The following CDH18 variants were observed in gnomAD, a reference collection of about 807,000 sequenced individuals.
CDH18 encodes cadherin-18.
CDH18 carries 31 observed loss-of-function variants against 67.9 expected under a neutral mutation model. The ratio of observed to expected loss-of-function variants is 0.46; its 90% CI spans 0.34 to 0.62. The LOEUF (loss-of-function observed/expected upper bound fraction) is 0.62, where lower values mean the gene tolerates loss of function less well. Ranked by LOEUF, CDH18 falls within the 20% of genes least tolerant of loss-of-function variation. The probability of loss-of-function intolerance (pLI) is 0.01; values close to 1 mark genes in which losing one functional copy is unlikely to be tolerated. For synonymous variants in CDH18, 362 were observed against 347.2 expected (o/e 1.04, Z -0.48); for missense variants, 890 against 975.5 (o/e 0.91, Z 1.17).
intron 2 of CDH18, among the ~76,000 whole-genome samples, chr5:19,872,982 G>A (rs916601036): frequency 6.6e-6 from 1 of 152,066 alleles, no homozygotes; most frequent in Non-Finnish European, 1.5e-5. Context: ...CTTGTCAAAG[G>A]ACAGAGGTTC....
At chr5:20,376,105 T>TTTTTTTTTTTTTTTTTTTTG (rs1743406012) in intron 1 of CDH18, among the ~76,000 whole-genome samples, 1 of 98,624 alleles carries the variant, frequency 1.0e-5, no homozygotes, top group Non-Finnish European at 2.2e-5. Context: ...TTTTTTTTTT[T>TTTTTTTTTTTTTTTTTTTTG]TTTTTTGAGA....
chr5:19,543,577 A>C (rs572337946), intron 9 of CDH18, among the ~76,000 whole-genome samples: 28 of 152,276 alleles, frequency 1.8e-4, no homozygotes, highest in African/African-American at 6.3e-4. Flanking sequence ...AAAGCAAATG[A>C]AAAAGCAAGT....
chr5:19,875,427 G>GATAGATAGATCGATCT (rs1465807709), intron 2 of CDH18, among the ~76,000 whole-genome samples: 106 of 149,640 alleles, frequency 7.1e-4, no homozygotes, highest in Non-Finnish European at 1.4e-3. Context: ...TAGATAGATA[G>GATAGATAGATCGATCT]ATAGATAGAT....
intron 3 of CDH18, among the ~76,000 whole-genome samples, chr5:19,758,445 G>T (rs375471350): frequency 6.6e-6 from 1 of 152,322 alleles, no homozygotes; most frequent in Non-Finnish European, 1.5e-5. Flanking sequence ...ATCCCTGTCT[G>T]CCACTGACAC....
chr5:19,492,946 T>C (rs1473534485), intron 11 of CDH18, among the ~76,000 whole-genome samples: 2 of 152,170 alleles, frequency 1.3e-5, no homozygotes, highest in Non-Finnish European at 1.5e-5. Context: ...TGCTTAGTCA[T>C]TAGTATGTTC....
At chr5:19,606,430 T>A (rs1294673878) in intron 6 of CDH18, among the ~76,000 whole-genome samples, 1 of 152,092 alleles carries the variant, frequency 6.6e-6, no homozygotes, top group Non-Finnish European at 1.5e-5. Flanking sequence ...TTAATATGTT[T>A]AAATAAAGAA....
At chr5:20,129,048 C>T (rs1749054845) in intron 2 of CDH18, among the ~76,000 whole-genome samples, 1 of 151,976 alleles carries the variant, frequency 6.6e-6, no homozygotes, top group African/African-American at 2.4e-5. Flanking sequence ...CAATCCTAAA[C>T]ATCTGGATTT....
At chr5:20,051,964 G>A (rs913124793) in intron 2 of CDH18, among the ~76,000 whole-genome samples, 4 of 151,948 alleles carry the variant, frequency 2.6e-5, no homozygotes, top group African/African-American at 9.7e-5. Context: ...TTCATCATGG[G>A]CACAAATACC....
intron 1 of CDH18, among the ~76,000 whole-genome samples, chr5:20,462,836 A>T (rs1751366688): frequency 6.6e-6 from 1 of 152,172 alleles, no homozygotes; most frequent in African/African-American, 2.4e-5. Flanking sequence ...AAAGATTTGA[A>T]CTAAGTAAGC....
Position 19,502,852 on chromosome 5 carries a change from C to T in CDH18, c.1630+140G>A, listed in dbSNP as rs772729088. ...CTCAATTTTAAACACAAGCTATTCA[C>T]AGATCATAACACAGTAGCATCAAAC... On this transcript the variant is annotated intron_variant, in intron 11 of 12. Transcript: ENST00000382275. The T allele has an allele frequency of 1.1e-5, 8 of 698,642 alleles. No homozygotes were observed. In the South Asian group the frequency reaches 1.2e-4, roughly 11 times the overall value. 43.3% of individuals were successfully genotyped at this position (698,642 alleles called of 1,614,324 possible).
intron 6 of CDH18, among the ~76,000 whole-genome samples, chr5:19,600,855 T>C (rs1474979845): frequency 1.3e-5 from 2 of 152,102 alleles, no homozygotes; most frequent in Non-Finnish European, 2.9e-5. Context: ...AAAACAAAGA[T>C]GGGACTTACA....
At chr5:20,390,293 A>C (rs910077548) in intron 1 of CDH18, among the ~76,000 whole-genome samples, 2 of 152,182 alleles carry the variant, frequency 1.3e-5, no homozygotes, top group Non-Finnish European at 1.5e-5. Flanking sequence ...AATTTACAAG[A>C]AAAAAACAAA....
chr5:20,544,414 C>G lies in CDH18; in HGVS notation c.-580+31048G>C, dbSNP rs561729074. On this transcript the variant is annotated intron_variant, in intron 1 of 14. Coordinates refer to the CDH18 transcript ENST00000507958. ...TATATATATATCATATTAATCTGTTCTCACACTGCTATAAAGATACTACCT... is the reference window on the plus strand; with the variant it reads ...TATATATATATCATATTAATCTGTTGTCACACTGCTATAAAGATACTACCT... Among the ~76,000 whole-genome samples, 67 of 152,134 alleles carry G rather than the reference C, an allele frequency of 4.4e-4. 1 individual carries two copies. Among genetic ancestry groups the G allele is most frequent in the Non-Finnish European group, 7.1e-4 (48 of 68,002 alleles).
intron 2 of CDH18, among the ~76,000 whole-genome samples, chr5:20,035,296 C>T (rs920386802): frequency 5.3e-5 from 8 of 151,910 alleles, no homozygotes; most frequent in African/African-American, 1.9e-4. Context: ...GCTGGATTTA[C>T]AATTATTTAT....
intron 1 of CDH18, among the ~76,000 whole-genome samples, chr5:20,427,682 C>T (rs1237876369): frequency 6.6e-6 from 1 of 151,096 alleles, no homozygotes; most frequent in Non-Finnish European, 1.5e-5. Context: ...TTCCTCCTTA[C>T]TTCAGTAAGC....
intron 2 of CDH18, among the ~76,000 whole-genome samples, chr5:19,856,402 G>T (rs757333094): frequency 1.3e-5 from 2 of 152,146 alleles, no homozygotes; most frequent in Non-Finnish European, 2.9e-5. Flanking sequence ...GAATATAAAA[G>T]ACTGGGCAGA....
chr5:20,005,277 A>G (rs1455622798), intron 2 of CDH18, among the ~76,000 whole-genome samples: 1 of 152,190 alleles, frequency 6.6e-6, no homozygotes, highest in Admixed American at 6.5e-5. Flanking sequence ...TAATCTGAAC[A>G]GATGCTTGAA....
rs140479868 is a variant in CDH18 at position 20,495,641 on chromosome 5, C to T, written c.-580+79821G>A. ...GAAATGTCACAGGAAAAACATACAA[C>T]CAGGAAACAAGAAAGAGTTTATACT... On this transcript the variant is annotated intron_variant, in intron 1 of 14. Coordinates refer to the CDH18 transcript ENST00000507958. Among the ~76,000 whole-genome samples the T allele has an allele frequency of 1.2e-4, 19 of 152,022 alleles. No individual in the cohort carries two copies. In the East Asian group the frequency reaches 3.7e-3, roughly 29 times the overall value.
chr5:19,539,001 G>T (rs1288251947), intron 9 of CDH18, among the ~76,000 whole-genome samples: 1 of 152,166 alleles, frequency 6.6e-6, no homozygotes, highest in African/African-American at 2.4e-5. Context: ...TGGGTAGCGT[G>T]GTGATGTTGA....
Sources: gnomAD v4.1 joint callset for allele counts (sites outside exome capture counted in the v4.1 genomes callset) on GRCh38, gnomAD v4.1.1 for gene constraint, MANE v1.5 for transcripts, NCBI Gene and HGNC (gene_info 2026-07-23, HGNC 2026-07-21) for gene names.